The following BMP1 variants were observed in gnomAD, a reference collection of about 807,000 sequenced individuals.
BMP1 encodes mammalian tolloid protein.
Under a neutral mutation model 116.8 loss-of-function variants are expected in BMP1, and 63 were observed. That is an observed-to-expected ratio of 0.54 (90% CI 0.44 to 0.67). BMP1 has a LOEUF of 0.67. BMP1 is among the 30% of genes least tolerant of loss of function. The pLI is 0.00. For missense variants in BMP1, 1,183 were observed against 1,358.9 expected (o/e 0.87, Z 2.04); for synonymous variants, 536 against 533.4 (o/e 1.00, Z -0.07).
At chr8:22,206,763 G>T in intron 16 of BMP1, 91 bp from the exon 17 acceptor site, 1 of 1,545,658 alleles carries the variant, frequency 6.5e-7, no homozygotes, top group Non-Finnish European at 8.8e-7. Flanking sequence ...TGGAAGAAAG[G>T]AGGGGGGGCA....
intron 2 of BMP1, among the ~76,000 whole-genome samples, chr8:22,174,142 C>G (rs1246441689): frequency 6.6e-6 from 1 of 152,146 alleles, no homozygotes; most frequent in Non-Finnish European, 1.5e-5. Flanking sequence ...GAGACTCTGC[C>G]CAACACTGCA....
intron 13 of BMP1, chr8:22,196,413 C>A (rs1236636117): frequency 1.0e-5 from 6 of 600,368 alleles, no homozygotes; most frequent in South Asian, 7.4e-5. Flanking sequence ...TCTTGGAGGA[C>A]CTTGGCCTGT....
At chr8:22,203,386 T>C (rs895698569) in intron 16 of BMP1, among the ~76,000 whole-genome samples, 1 of 152,068 alleles carries the variant, frequency 6.6e-6, no homozygotes, top group Non-Finnish European at 1.5e-5. Flanking sequence ...TGAAAACCCG[T>C]CTCTACTAGA....
chr8:22,180,332 C>T (rs775386055), intron 7 of BMP1, 36 bp from the exon 8 acceptor site: 4 of 1,556,692 alleles, frequency 2.6e-6, no homozygotes, highest in South Asian at 1.1e-5. Context: ...GGATTTGGCG[C>T]CTGCAGCCCT....
In BMP1 at chr8:22,197,325, C is replaced by T; in HGVS notation, c.2012C>T (p.Pro671Leu). 6.2e-7 allele frequency: 1 copy of T among 1,614,008 alleles called. No homozygotes were observed. Among genetic ancestry groups the T allele is most frequent in the Non-Finnish European group, 8.5e-7 (1 of 1,179,948 alleles). ...LHGKFCGSEK[P>L]EVITSQYNNM... ...GGCAAGTTCTGTGGTTCTGAGAAGCCCGAGGTCATCACCTCCCAGTACAAC... is the reference window on the plus strand; with the variant it reads ...GGCAAGTTCTGTGGTTCTGAGAAGCTCGAGGTCATCACCTCCCAGTACAAC... The change falls in exon 15 of 20, where the codon CCC (proline) becomes CTC (leucine). Residue 671 changes from proline (P) to leucine (L), a missense_variant. Transcript: ENST00000306385.
Position 22,176,392 on chromosome 8 carries a change from C to T in BMP1, c.433+79C>T, listed in dbSNP as rs999754125. The T allele has an allele frequency of 3.1e-5, 48 of 1,558,696 alleles. No individual in the cohort carries two copies. In the Middle Eastern group the frequency reaches 1.1e-3, roughly 37 times the overall value. ...GTGGCAGCCCTGCCAGGCACGGAGG[C>T]GTGGGTGCCACCTGCAGCCCGAGTG... is the stretch of plus-strand genomic sequence containing the variant. On this transcript the variant is annotated intron_variant, in intron 3 of 19. Coordinates refer to ENST00000306385, the MANE Select transcript of BMP1 (RefSeq NM_006129.5).
In BMP1 at chr8:22,178,677, C is replaced by G. The variant is rs536796192; in HGVS notation, c.836+720C>G. Among the ~76,000 whole-genome samples the G allele has an allele frequency of 3.3e-5, 5 of 152,294 alleles. No homozygotes were observed. The South Asian group carries it at 1.0e-3, about 32-fold the overall frequency. ...CCCATGCCCAGCTCCGAAGCACATC[C>G]TCCTTATCTGAGGCCCAGGTCCCCA... is the stretch of plus-strand genomic sequence containing the variant. On this transcript the variant is annotated intron_variant, in intron 6 of 19. Coordinates refer to ENST00000306385, the MANE Select transcript of BMP1 (RefSeq NM_006129.5).
chr8:22,188,267 C>T (rs1828834903), intron 8 of BMP1, among the ~76,000 whole-genome samples: 1 of 150,068 alleles, frequency 6.7e-6, no homozygotes, highest in Admixed American at 6.7e-5. Flanking sequence ...CTCCCTGGCT[C>T]AAGTGATCCT....
chr8:22,194,186 G>A lies in BMP1; in HGVS notation c.1297+12G>A, dbSNP rs774916868. ...TGCAGTCTACGAAGGTACTGAGGAA[G>A]GCGGCGGGCGGGAGGAGTCAGATAG... On this transcript the variant is annotated intron_variant, in intron 10 of 19. Coordinates refer to ENST00000306385, the MANE Select transcript of BMP1 (RefSeq NM_006129.5). This position sits in a 1 kb window ranked among gnomAD's most constrained non-coding sequence, Gnocchi z 4.5. 6.2e-7 allele frequency: 1 copy of A among 1,611,514 alleles called. No homozygotes were observed. Among genetic ancestry groups the A allele is most frequent in the South Asian group, 1.1e-5 (1 of 91,018 alleles).
intron 9 of BMP1, among the ~76,000 whole-genome samples, chr8:22,193,630 G>A (rs1406716698): frequency 2.0e-5 from 3 of 152,004 alleles, no homozygotes; most frequent in Admixed American, 6.6e-5. Flanking sequence ...CTAAAAATAC[G>A]AAAATTAGCT....
intron 8 of BMP1, among the ~76,000 whole-genome samples, chr8:22,189,431 G>GACAC (rs1828867252): frequency 6.3e-5 from 2 of 31,744 alleles, no homozygotes; most frequent in South Asian, 1.4e-3. Flanking sequence ...TATTGATGGA[G>GACAC]ATACACACAC....
At chr8:22,190,246 A>G (rs112246106) in intron 8 of BMP1, among the ~76,000 whole-genome samples, 5,052 of 152,328 alleles carry the variant, frequency 0.033, 307 homozygotes, top group African/African-American at 0.12. Flanking sequence ...TTTCAAAAAC[A>G]TGATCTTACT....
At position 22,165,513 on chromosome 8, in the gene BMP1, C is replaced by T. The variant is rs144114975; in HGVS notation, c.108C>T (p.Asp36=). The T allele has an allele frequency of 7.5e-6, 12 of 1,592,096 alleles. No individual in the cohort carries two copies. The African/African-American group carries it at 1.2e-4, about 17-fold the overall frequency. The part of the protein sequence containing the change: ...ADYTYDLAEE[D]DSEPLNYKDP... Reference sequence around the variant, plus strand: ...ACACCTATGACCTGGCGGAGGAGGACGACTCGGAGCCCCTCAACTACAAAG... The same window carrying T: ...ACACCTATGACCTGGCGGAGGAGGATGACTCGGAGCCCCTCAACTACAAAG... Residue 36 remains aspartate (D), a synonymous_variant, in exon 1 of 20, where the codon GAC becomes GAT. Coordinates refer to ENST00000306385, the MANE Select transcript of BMP1 (RefSeq NM_006129.5).
Position 22,197,317 on chromosome 8 carries a change from T to G in BMP1, c.2004T>G (p.Ser668=). The change falls in exon 15 of 20, where the codon TCT becomes TCG. Residue 668 remains serine (S), a synonymous_variant. Transcript: ENST00000306385. ...DSKLHGKFCG[S]EKPEVITSQY... ...AGCTGCATGGCAAGTTCTGTGGTTCTGAGAAGCCCGAGGTCATCACCTCCC... is the reference window on the plus strand; with the variant it reads ...AGCTGCATGGCAAGTTCTGTGGTTCGGAGAAGCCCGAGGTCATCACCTCCC... 6.2e-7 allele frequency: 1 copy of G among 1,614,062 alleles called. No homozygotes were observed. The highest frequency in any genetic ancestry group is 8.5e-7 in the Non-Finnish European group (1 of 1,179,942).
Position 22,191,994 on chromosome 8 carries a change from A to G in BMP1, c.1078-55A>G, listed in dbSNP as rs1490077673. 3.4e-6 allele frequency: 5 copies of G among 1,483,470 alleles called. No individual in the cohort carries two copies. In the Admixed American group the frequency reaches 5.1e-5, roughly 15 times the overall value. 91.9% of individuals were successfully genotyped at this position (1,483,470 alleles called of 1,614,324 possible). A position where few individuals can be genotyped will look rare whatever the true frequency, so the allele number is the denominator to read the frequency against. ...GCGGTGGTCATCATGGGGCTGGCAG[A>G]GGGCTGGTGCAATGTTCGGGACAGC... On this transcript the variant is annotated intron_variant, in intron 8 of 19. Transcript: ENST00000306385.
In BMP1 at chr8:22,165,504, G is replaced by A. The variant is rs768249198; in HGVS notation, c.99G>A (p.Ala33=). The A allele has an allele frequency of 1.9e-6, 3 of 1,593,892 alleles. No homozygotes were observed. Among genetic ancestry groups the A allele is most frequent in the South Asian group, 2.2e-5 (2 of 89,172 alleles). Residue 33 remains alanine (A), a synonymous_variant, in exon 1 of 20, where the codon GCG becomes GCA. Coordinates refer to ENST00000306385, the MANE Select transcript of BMP1 (RefSeq NM_006129.5). ...TGGCCGACTACACCTATGACCTGGC[G>A]GAGGAGGACGACTCGGAGCCCCTCA... The part of the protein sequence containing the change: ...LDLADYTYDL[A]EEDDSEPLNY...
At chr8:22,208,572 C>T (rs1829407146) in intron 18 of BMP1, among the ~76,000 whole-genome samples, 1 of 152,262 alleles carries the variant, frequency 6.6e-6, no homozygotes, top group African/African-American at 2.4e-5. Flanking sequence ...AACCCCAGCC[C>T]AGCCCAGAGT....
In BMP1 at chr8:22,179,974, G is replaced by A. The variant is rs2131854899; in HGVS notation, c.961+145G>A. The A allele has an allele frequency of 1.0e-6, 1 of 970,236 alleles. No individual in the cohort carries two copies. Among genetic ancestry groups the A allele is most frequent in the Non-Finnish European group, 1.5e-6 (1 of 672,286 alleles). 60.1% of individuals were successfully genotyped at this position (970,236 alleles called of 1,614,324 possible). On this transcript the variant is annotated intron_variant, in intron 7 of 19. Coordinates refer to ENST00000306385, the MANE Select transcript of BMP1 (RefSeq NM_006129.5). This position sits in a 1 kb window ranked among gnomAD's most constrained non-coding sequence, Gnocchi z 4.6. Reference sequence around the variant, plus strand: ...GGGAGGGGACCCCATAGGAGGGGCAGTGTCCAAGTGAAGGAGGCCGCTGGG... The same window carrying A: ...GGGAGGGGACCCCATAGGAGGGGCAATGTCCAAGTGAAGGAGGCCGCTGGG...
intron 19 of BMP1, 77 bp from the exon 20 acceptor site, chr8:22,211,517 G>A: frequency 6.3e-7 from 1 of 1,597,182 alleles, no homozygotes; most frequent in Non-Finnish European, 8.6e-7. Context: ...GCCCTTCAAA[G>A]CTGGGGATCT....
Sources: gnomAD v4.1 joint callset for allele counts (sites outside exome capture counted in the v4.1 genomes callset) on GRCh38, gnomAD v4.1.1 for gene constraint, Gnocchi (gnomAD v3.1) non-coding constraint, MANE v1.5 for transcripts, NCBI Gene and HGNC (gene_info 2026-07-23, HGNC 2026-07-21) for gene names.